UNC13C: variants seen among roughly 807,000 people sequenced by gnomAD.
UNC13C encodes the protein unc-13 homolog C.
In UNC13C, 174 loss-of-function variants were observed where a neutral mutation model predicts 245.4. The ratio of observed to expected loss-of-function variants is 0.71; its 90% CI spans 0.63 to 0.80. UNC13C has a LOEUF of 0.80. Ranked by LOEUF, UNC13C falls within the 30% of genes least tolerant of loss-of-function variation. The pLI, the probability that UNC13C is intolerant of heterozygous loss-of-function variation, is 0.00. For synonymous variants in UNC13C, 992 were observed against 895.1 expected (o/e 1.11, Z -1.93); for missense variants, 2,829 against 2,602.9 (o/e 1.09, Z -1.89).
intron 22 of UNC13C, among the ~76,000 whole-genome samples, chr15:54,502,002 G>A (rs1332631910): frequency 1.3e-5 from 2 of 152,152 alleles, no homozygotes; most frequent in African/African-American, 2.4e-5. Flanking sequence ...AGGAAACGCA[G>A]AACCTTTGGA....
chr15:54,230,437 A>G (rs970735141), intron 4 of UNC13C, among the ~76,000 whole-genome samples: 1 of 149,772 alleles, frequency 6.7e-6, no homozygotes, highest in African/African-American at 2.5e-5. Context: ...TATATATTCA[A>G]TATGTTATCA....
intron 4 of UNC13C, among the ~76,000 whole-genome samples, chr15:54,170,434 A>G (rs1486997068): frequency 2.0e-5 from 3 of 152,188 alleles, no homozygotes; most frequent in South Asian, 2.1e-4. Context: ...GAGTATAAAT[A>G]TATAAAAAGA....
In UNC13C at chr15:54,079,536, A is replaced by T. The variant is rs1173151602; in HGVS notation, c.2984-63482A>T. Among the ~76,000 whole-genome samples, 3 of 151,714 alleles carry T rather than the reference A, an allele frequency of 2.0e-5. 1 individual carries two copies. Among genetic ancestry groups the T allele is most frequent in the East Asian group, 1.9e-4 (1 of 5,180 alleles). ...TAACGGTCTTTTACCTCTTGGTTAGATGTATTCCTGGGTATTTTATTTTTT... is the reference window on the plus strand; with the variant it reads ...TAACGGTCTTTTACCTCTTGGTTAGTTGTATTCCTGGGTATTTTATTTTTT... On this transcript the variant is annotated intron_variant, in intron 2 of 32. Transcript: ENST00000260323.
At chr15:54,622,290 T>A (rs1900843629) in intron 30 of UNC13C, 37 bp from the exon 31 acceptor site, 1 of 1,418,388 alleles carries the variant, frequency 7.1e-7, no homozygotes, top group African/African-American at 1.4e-5. Flanking sequence ...TTAATGAGTC[T>A]GAAAGCTCAG....
chr15:54,103,934 A>G (rs948607272), intron 2 of UNC13C, among the ~76,000 whole-genome samples: 42 of 150,556 alleles, frequency 2.8e-4, no homozygotes, highest in African/African-American at 9.7e-4. Flanking sequence ...TAGTAGAGAC[A>G]GGGTTTCACC....
intron 8 of UNC13C, among the ~76,000 whole-genome samples, chr15:54,260,276 A>C (rs11629837): frequency 0.15 from 23,458 of 152,130 alleles, 1,956 homozygotes; most frequent in African/African-American, 0.21. Flanking sequence ...AAATCTGCTA[A>C]TACTACAAAT....
the UNC13C span, among the ~76,000 whole-genome samples, chr15:53,844,366 TGA>T: frequency 6.6e-6 from 1 of 152,104 alleles, no homozygotes; most frequent in African/African-American, 2.4e-5. Context: ...ACTACTGCAA[TGA>T]GAGAGAAATA....
the UNC13C span, among the ~76,000 whole-genome samples, chr15:53,839,558 C>A: frequency 1.7e-4 from 26 of 151,824 alleles, no homozygotes; most frequent in African/African-American, 4.6e-4. Flanking sequence ...CTTTCAATAC[C>A]TTTATATTTT....
At chr15:54,407,976 C>T (rs2040332462) in intron 18 of UNC13C, among the ~76,000 whole-genome samples, 2 of 151,750 alleles carry the variant, frequency 1.3e-5, no homozygotes, top group Admixed American at 1.3e-4. Context: ...CCAAGGTGGG[C>T]AGATCATGAG....
Position 54,415,032 on chromosome 15 carries a change from C to A in UNC13C, c.4898C>A (p.Thr1633Asn), listed in dbSNP as rs1268122446. 1 of 1,612,172 alleles carries A rather than the reference C, an allele frequency of 6.2e-7. No homozygotes were observed. Among genetic ancestry groups the A allele is most frequent in the Non-Finnish European group, 8.5e-7 (1 of 1,179,190 alleles). ...AAAATAAGTGCCGAAATTATGTGGA[C>A]TCTTTTTGCTCTGGATATGAAATAT... ...MGKISAEIMWTLFALDMKYAL... is the reference protein window; with the variant it reads ...MGKISAEIMWNLFALDMKYAL... Residue 1633 changes from threonine to asparagine, a missense_variant, in exon 19 of 33, where the codon ACT (threonine) becomes AAT (asparagine). Thr to Asn is a moderately conservative substitution (Grantham distance 65, BLOSUM62 0). Transcript: ENST00000260323.
chr15:53,901,376 T>A, the UNC13C span, among the ~76,000 whole-genome samples: 4 of 151,338 alleles, frequency 2.6e-5, no homozygotes, highest in African/African-American at 9.7e-5. Context: ...CCTGACACCA[T>A]GCCTAGCTAT....
the UNC13C span, among the ~76,000 whole-genome samples, chr15:53,943,645 G>A: frequency 7.5e-3 from 1,143 of 151,784 alleles, 12 homozygotes; most frequent in African/African-American, 0.026. Flanking sequence ...AAACTTCCAG[G>A]GTTTTTTTCC....
chr15:54,500,954 T>TC lies in UNC13C; in HGVS notation c.5278dup (p.His1760ProfsTer12). On this transcript the variant is annotated frameshift_variant, in exon 22 of 33. Transcript: ENST00000260323. LOFTEE classifies it high-confidence loss of function. ...AATGCCCTAATCCTGAAGCATTATC[T>TC]CACTTAATGAGAAGATTTGCAAAGG... is the stretch of plus-strand genomic sequence containing the variant. The TC allele has an allele frequency of 6.2e-7, 1 of 1,612,704 alleles. No homozygotes were observed. Among genetic ancestry groups the TC allele is most frequent in the Non-Finnish European group, 8.5e-7 (1 of 1,179,060 alleles).
chr15:53,862,728 C>A, the UNC13C span, among the ~76,000 whole-genome samples: 1 of 152,098 alleles, frequency 6.6e-6, no homozygotes, highest in African/African-American at 2.4e-5. Flanking sequence ...GGAGACAGAG[C>A]GAAAGCAATC....
intron 28 of UNC13C, among the ~76,000 whole-genome samples, chr15:54,552,490 T>TTA (rs1289185086): frequency 2.1e-5 from 1 of 47,570 alleles, no homozygotes; most frequent in Non-Finnish European, 3.2e-5. Flanking sequence ...TAATTATATA[T>TTA]TATATTATAT....
chr15:53,837,945 C>A, the UNC13C span, among the ~76,000 whole-genome samples: 1 of 152,068 alleles, frequency 6.6e-6, no homozygotes, highest in African/African-American at 2.4e-5. Flanking sequence ...TATTTTAAAT[C>A]AAAACTTCAT....
At chr15:54,090,488 A>T (rs1043431656) in intron 2 of UNC13C, among the ~76,000 whole-genome samples, 4 of 152,312 alleles carry the variant, frequency 2.6e-5, no homozygotes, top group East Asian at 1.9e-4. Context: ...ACCCCAGCTT[A>T]CCAAAGATAG....
chr15:54,552,633 C>T (rs1322863589), intron 28 of UNC13C, among the ~76,000 whole-genome samples: 4 of 55,886 alleles, frequency 7.2e-5, no homozygotes, highest in Admixed American at 3.5e-4. Context: ...ATATATTGTA[C>T]AATATAATAT....
intron 30 of UNC13C, among the ~76,000 whole-genome samples, chr15:54,615,496 C>A (rs1247643545): frequency 6.6e-6 from 1 of 151,998 alleles, no homozygotes; most frequent in Non-Finnish European, 1.5e-5. Context: ...TCCCTAGTCT[C>A]TTCCTGCTTA....
Sources: gnomAD v4.1 joint callset for allele counts (sites outside exome capture counted in the v4.1 genomes callset) on GRCh38, gnomAD v4.1.1 for gene constraint, MANE v1.5 for transcripts, NCBI Gene and HGNC (gene_info 2026-07-23, HGNC 2026-07-21) for gene names.